The following PIK3C2G variants were observed in gnomAD, a reference collection of about 807,000 sequenced individuals.
The protein encoded by PIK3C2G is phosphatidylinositol-4-phosphate 3-kinase catalytic subunit type 2 gamma, also known as phosphatidylinositol 3-kinase C2 domain-containing subunit gamma.
A neutral mutation model predicts 181.1 loss-of-function variants in PIK3C2G; 168 were observed. The ratio of observed to expected loss-of-function variants is 0.93; its 90% CI spans 0.82 to 1.05. The LOEUF is 1.05. Among genes scored for constraint, PIK3C2G ranks in the 50% least tolerant of loss-of-function variants. The pLI, the probability that PIK3C2G is intolerant of heterozygous loss-of-function variation, is 0.00. For missense variants in PIK3C2G, 1,869 were observed against 1,732.8 expected, an observed-to-expected ratio of 1.08 and a Z score of -1.40; for synonymous variants, 573 against 592.2, an observed-to-expected ratio of 0.97 and a Z score of 0.47.
chr12:18,249,623 C>T (rs141795198), intron 1 of PIK3C2G, among the ~76,000 whole-genome samples: 171 of 152,130 alleles, frequency 1.1e-3, no homozygotes, highest in African/African-American at 3.9e-3. Context: ...TGGGCAGGAG[C>T]GACTGTTCAC....
At chr12:18,723,547 T>C in the PIK3C2G span, 1 of 1,606,876 alleles carries the variant, frequency 6.2e-7, no homozygotes, top group East Asian at 2.2e-5. Context: ...ATTGTCCTAC[T>C]AAAAAAATGA....
chr12:18,272,988 T>TCACACA (rs34904946), intron 1 of PIK3C2G, among the ~76,000 whole-genome samples: 1 of 149,844 alleles, frequency 6.7e-6, no homozygotes, highest in African/African-American at 2.5e-5. Context: ...GAAATGACAC[T>TCACACA]CACACACACA....
At chr12:18,678,437 C>T in the PIK3C2G span, among the ~76,000 whole-genome samples, 2 of 151,996 alleles carry the variant, frequency 1.3e-5, no homozygotes, top group Non-Finnish European at 1.5e-5. Flanking sequence ...CCCTATTCAA[C>T]CATCATGATA....
At chr12:18,534,860 G>A (rs1374914240) in intron 24 of PIK3C2G, among the ~76,000 whole-genome samples, 1 of 149,632 alleles carries the variant, frequency 6.7e-6, no homozygotes, top group Non-Finnish European at 1.5e-5. Context: ...AGGTACAGAA[G>A]CAAGAACAGG....
Position 18,491,487 on chromosome 12 carries a change from T to A in PIK3C2G, c.2722T>A (p.Phe908Ile). ...LKKEIGRLEE[F>I]FQDVNTCHLP... ...GAAAGAAATTGGCAGACTAGAAGAG[T>A]TCTTTCAAGATGTAAATACTTGTCA... The change falls in exon 20 of 33, where the codon TTC (phenylalanine) becomes ATC (isoleucine). Residue 908 changes from phenylalanine to isoleucine, a missense_variant. Phe to Ile is a conservative substitution (Grantham distance 21, BLOSUM62 0). Coordinates refer to ENST00000538779, the MANE Select transcript of PIK3C2G (RefSeq NM_001288772.2). The A allele has an allele frequency of 3.1e-6, 5 of 1,607,666 alleles. No individual in the cohort carries two copies. Among genetic ancestry groups the A allele is most frequent in the Non-Finnish European group, 4.3e-6 (5 of 1,174,720 alleles).
chr12:18,372,499 T>C (rs1442242250), intron 13 of PIK3C2G: 1 of 152,194 alleles, frequency 6.6e-6, no homozygotes, highest in African/African-American at 2.4e-5. Context: ...ATTTCAAAGA[T>C]ATGATTTGTA....
At chr12:18,447,421 C>A (rs545710308) in intron 18 of PIK3C2G, among the ~76,000 whole-genome samples, 1 of 152,262 alleles carries the variant, frequency 6.6e-6, no homozygotes, top group Admixed American at 6.5e-5. Flanking sequence ...TTTGCATTTT[C>A]TTTTTAAAAT....
chr12:18,658,593 A>C, the PIK3C2G span, among the ~76,000 whole-genome samples: 1 of 152,128 alleles, frequency 6.6e-6, no homozygotes, highest in Non-Finnish European at 1.5e-5. Context: ...TATTTTTGAA[A>C]AATAAAGGAG....
At chr12:18,536,656 T>C (rs1043152563) in intron 24 of PIK3C2G, among the ~76,000 whole-genome samples, 1 of 152,074 alleles carries the variant, frequency 6.6e-6, no homozygotes, top group Admixed American at 6.6e-5. Context: ...AGTTAGGTGG[T>C]TTAGAGATGA....
the PIK3C2G span, among the ~76,000 whole-genome samples, chr12:18,709,067 T>A: frequency 8.5e-5 from 13 of 152,276 alleles, no homozygotes; most frequent in Non-Finnish European, 1.9e-4. Flanking sequence ...GCTTTTGATG[T>A]AATATCAAAA....
intron 7 of PIK3C2G, among the ~76,000 whole-genome samples, chr12:18,324,061 A>T (rs1951223630): frequency 6.6e-6 from 1 of 152,028 alleles, no homozygotes; most frequent in Non-Finnish European, 1.5e-5. Context: ...TCTACTAAAA[A>T]TACAAAACAT....
intron 13 of PIK3C2G, among the ~76,000 whole-genome samples, chr12:18,379,865 C>T (rs527624727): frequency 1.1e-4 from 17 of 152,256 alleles, no homozygotes; most frequent in African/African-American, 3.9e-4. Context: ...AAGCCCTTAT[C>T]CCCACCAGGG....
intron 8 of PIK3C2G, among the ~76,000 whole-genome samples, chr12:18,327,804 A>G (rs2137516896): frequency 6.6e-6 from 1 of 152,170 alleles, no homozygotes; most frequent in South Asian, 2.1e-4. Flanking sequence ...AAATTATGAA[A>G]CTGTTTACTC....
the PIK3C2G span, among the ~76,000 whole-genome samples, chr12:18,711,215 A>T: frequency 7.9e-5 from 12 of 151,852 alleles, no homozygotes; most frequent in African/African-American, 1.9e-4. Flanking sequence ...TAAAAAATGA[A>T]GAGTTCATGT....
chr12:18,695,086 G>C, the PIK3C2G span: 8 of 1,611,198 alleles, frequency 5.0e-6, no homozygotes, highest in Non-Finnish European at 6.8e-6. Flanking sequence ...GCCACTGTAA[G>C]AAAGAAGTAT....
intron 29 of PIK3C2G, among the ~76,000 whole-genome samples, chr12:18,580,102 C>T (rs1946420599): frequency 1.3e-5 from 2 of 149,312 alleles, no homozygotes; most frequent in African/African-American, 4.9e-5. Context: ...CACTGCACTC[C>T]AGCCTGGCAA....
At chr12:18,589,674 C>G (rs1946971671) in intron 29 of PIK3C2G, among the ~76,000 whole-genome samples, 2 of 151,934 alleles carry the variant, frequency 1.3e-5, no homozygotes, top group Admixed American at 1.3e-4. Flanking sequence ...AGAGGGAACA[C>G]AGATACCAAT....
At chr12:18,633,061 T>C (rs1949418686) in intron 31 of PIK3C2G, among the ~76,000 whole-genome samples, 1 of 152,182 alleles carries the variant, frequency 6.6e-6, no homozygotes, top group Non-Finnish European at 1.5e-5. Flanking sequence ...AGTAATGTCA[T>C]AATTCTGCCA....
rs191849457 is a variant in PIK3C2G at position 18,613,469 on chromosome 12, C to A, written c.4182+3840C>A. ...AGTAGAGTCAAACACAAGAACCCCC[C>A]CACACACTAAAACTGTATTACTTTT... On this transcript the variant is annotated intron_variant, in intron 31 of 32. Coordinates refer to ENST00000538779, the MANE Select transcript of PIK3C2G (RefSeq NM_001288772.2). 2.0e-3 allele frequency among the ~76,000 whole-genome samples: 311 copies of A among 152,078 alleles called. 2 individuals carry two copies. The highest frequency in any genetic ancestry group is 3.5e-3 in the Admixed American group (54 of 15,244).
Sources: allele counts gnomAD v4.1 joint callset (sites outside exome capture counted in the v4.1 genomes callset), GRCh38; gene constraint gnomAD v4.1.1; transcripts MANE v1.5; gene names NCBI Gene and HGNC (gene_info 2026-07-23, HGNC 2026-07-21).